GABRB1: variants seen among roughly 807,000 people sequenced by gnomAD.
The protein encoded by GABRB1 is gamma-aminobutyric acid type A receptor subunit beta1, also known as gamma-aminobutyric acid receptor subunit beta-1.
GABRB1 carries 17 observed loss-of-function variants against 51.6 expected under a neutral mutation model. That is an observed-to-expected ratio of 0.33 (90% CI 0.23 to 0.49). The LOEUF (loss-of-function observed/expected upper bound fraction) is 0.49, where lower values mean the gene tolerates loss of function less well. Among genes scored for constraint, GABRB1 ranks in the 20% least tolerant of loss-of-function variants. The pLI is 0.99. For missense variants in GABRB1, 410 were observed against 600.6 expected (o/e 0.68, Z 3.32); for synonymous variants, 247 against 218.9 (o/e 1.13, Z -1.14).
At chr4:47,405,382 C>T (rs928678255) in intron 7 of GABRB1, among the ~76,000 whole-genome samples, 1 of 152,120 alleles carries the variant, frequency 6.6e-6, no homozygotes, top group African/African-American at 2.4e-5. Flanking sequence ...CATTTTGCTA[C>T]CTTCCATTCC....
chr4:47,107,425 T>A (rs1265733494), intron 3 of GABRB1, among the ~76,000 whole-genome samples: 1 of 152,012 alleles, frequency 6.6e-6, no homozygotes, highest in Non-Finnish European at 1.5e-5. Flanking sequence ...CACTGTGATT[T>A]TTTTTCAATA....
chr4:47,239,549 A>G (rs1204382969), intron 4 of GABRB1, among the ~76,000 whole-genome samples: 1 of 152,218 alleles, frequency 6.6e-6, no homozygotes, highest in East Asian at 1.9e-4. Context: ...ATATAGCCTC[A>G]TTTAACTGGC....
intron 5 of GABRB1, among the ~76,000 whole-genome samples, chr4:47,333,726 C>CA (rs1725589020): frequency 6.6e-6 from 1 of 151,244 alleles, no homozygotes; most frequent in South Asian, 2.1e-4. Flanking sequence ...CCCACCCCCC[C>CA]AAAAAAAAGA....
At chr4:47,342,305 A>C (rs1157890345) in intron 5 of GABRB1, among the ~76,000 whole-genome samples, 1 of 152,156 alleles carries the variant, frequency 6.6e-6, no homozygotes, top group Non-Finnish European at 1.5e-5. Flanking sequence ...AATGGTCCAT[A>C]AACTGGAATT....
At chr4:47,019,120 G>T (rs779202154) in intron 1 of GABRB1, among the ~76,000 whole-genome samples, 1 of 151,974 alleles carries the variant, frequency 6.6e-6, no homozygotes, top group Non-Finnish European at 1.5e-5. Context: ...CTAAGCAACC[G>T]CATTGAAAAA....
chr4:47,294,031 A>G (rs1723862777), intron 4 of GABRB1, among the ~76,000 whole-genome samples: 1 of 152,230 alleles, frequency 6.6e-6, no homozygotes, highest in African/African-American at 2.4e-5. Flanking sequence ...TCCACAGCAT[A>G]AAAAGGAAGC....
intron 1 of GABRB1, among the ~76,000 whole-genome samples, chr4:47,007,636 T>C (rs1017566638): frequency 2.0e-5 from 3 of 152,014 alleles, no homozygotes; most frequent in African/African-American, 4.8e-5. Flanking sequence ...AAATAAAGAA[T>C]GAAGAATGTC....
intron 3 of GABRB1, among the ~76,000 whole-genome samples, chr4:47,035,485 G>T (rs771588616): frequency 5.9e-5 from 9 of 152,138 alleles, no homozygotes; most frequent in Admixed American, 5.2e-4. Context: ...AATTAGAAAG[G>T]ATTGTTCTTT....
chr4:47,082,970 AT>A (rs1446937205), intron 3 of GABRB1, among the ~76,000 whole-genome samples: 3 of 152,176 alleles, frequency 2.0e-5, no homozygotes, highest in Non-Finnish European at 4.4e-5. Context: ...AGGAGATTAT[AT>A]GCAATAGAGT....
chr4:47,297,717 C>T (rs1013406554), intron 4 of GABRB1, among the ~76,000 whole-genome samples: 37 of 152,100 alleles, frequency 2.4e-4, no homozygotes, highest in Admixed American at 3.9e-4. Context: ...GAAACTATTC[C>T]AATCAATAGA....
At chr4:47,393,141 A>C (rs1438359941) in intron 5 of GABRB1, among the ~76,000 whole-genome samples, 1 of 152,166 alleles carries the variant, frequency 6.6e-6, no homozygotes, top group Non-Finnish European at 1.5e-5. Flanking sequence ...TCCTGGAATC[A>C]ATGTGGTTGC....
chr4:47,245,300 A>G (rs1721698971), intron 4 of GABRB1, among the ~76,000 whole-genome samples: 1 of 152,180 alleles, frequency 6.6e-6, no homozygotes, highest in Non-Finnish European at 1.5e-5. Flanking sequence ...AATAAAAAAT[A>G]TCAAGTGACC....
chr4:47,011,533 A>G (rs1180958174), intron 1 of GABRB1, among the ~76,000 whole-genome samples: 1 of 152,208 alleles, frequency 6.6e-6, no homozygotes, highest in Non-Finnish European at 1.5e-5. Context: ...GAAACATATC[A>G]GACTCAGACT....
chr4:47,033,201 A>T (rs1725413416), intron 3 of GABRB1, among the ~76,000 whole-genome samples: 1 of 152,168 alleles, frequency 6.6e-6, no homozygotes, highest in African/African-American at 2.4e-5. Flanking sequence ...AAAAATCCTG[A>T]TAATTTAAGG....
chr4:47,039,797 A>G (rs1271161266), intron 3 of GABRB1, among the ~76,000 whole-genome samples: 1 of 152,252 alleles, frequency 6.6e-6, no homozygotes, highest in Non-Finnish European at 1.5e-5. Context: ...TGGGAACTAC[A>G]GATAATTCCT....
chr4:47,102,057 A>G (rs1300109838), intron 3 of GABRB1, among the ~76,000 whole-genome samples: 2 of 151,998 alleles, frequency 1.3e-5, no homozygotes, highest in Non-Finnish European at 2.9e-5. Context: ...TGACTTTAGA[A>G]ACTGAAAAAT....
chr4:47,043,185 A>C (rs1322831476), intron 3 of GABRB1: 1 of 152,068 alleles, frequency 6.6e-6, no homozygotes, highest in Admixed American at 6.6e-5. Context: ...AATATTGGCC[A>C]ACTGAAAACT....
At chr4:47,209,463 A>G (rs1720265823) in intron 4 of GABRB1, among the ~76,000 whole-genome samples, 1 of 152,090 alleles carries the variant, frequency 6.6e-6, no homozygotes, top group Non-Finnish European at 1.5e-5. Flanking sequence ...TCAGTAATCC[A>G]TTGTTGTTTC....
At chr4:47,383,608 A>G (rs997814977) in intron 5 of GABRB1, among the ~76,000 whole-genome samples, 3 of 152,196 alleles carry the variant, frequency 2.0e-5, no homozygotes, top group African/African-American at 7.2e-5. Flanking sequence ...TAAAATCATA[A>G]CTGAGAGATG....
Sources: allele counts gnomAD v4.1 joint callset (sites outside exome capture counted in the v4.1 genomes callset), GRCh38; gene constraint gnomAD v4.1.1; transcripts MANE v1.5; gene names NCBI Gene and HGNC (gene_info 2026-07-23, HGNC 2026-07-21).